CPNE6: variants seen among roughly 807,000 people sequenced by gnomAD.
The protein encoded by CPNE6 is copine 6.
In CPNE6, 33 loss-of-function variants were observed where a neutral mutation model predicts 71.5. The ratio of observed to expected loss-of-function variants is 0.46; its 90% CI spans 0.35 to 0.62. CPNE6 has a LOEUF of 0.62. Among genes scored for constraint, CPNE6 ranks in the 20% least tolerant of loss-of-function variants. The pLI, the probability that CPNE6 is intolerant of heterozygous loss-of-function variation, is 0.00. For missense variants in CPNE6, 576 were observed against 747.3 expected, an observed-to-expected ratio of 0.77 and a Z score of 2.67; for synonymous variants, 296 against 293.0, an observed-to-expected ratio of 1.01 and a Z score of -0.10.
chr14:24,071,831 C>T, intron 2 of CPNE6, 190 bp downstream of exon 1: 1 of 554,968 alleles, frequency 1.8e-6, no homozygotes, highest in East Asian at 3.0e-5. Flanking sequence ...AGACCCCCCT[C>T]CCCCAGCCCA....
rs1195146639 is a variant in CPNE6, at chr14:24,074,468, C to G, written c.499-63C>G. 6.3e-7 allele frequency: 1 copy of G among 1,574,912 alleles called. No individual in the cohort carries two copies. Among genetic ancestry groups the G allele is most frequent in the Admixed American group, 1.7e-5 (1 of 59,722 alleles). ...AGGCCTGCTCTCTTCCCAGTGGGAG[C>G]CCATCCCCCACCCTCCTTGCAGCTC... On this transcript the variant is annotated intron_variant, in intron 6 of 17. Coordinates refer to ENST00000397016, the Ensembl canonical transcript of CPNE6. This position sits in a 1 kb window ranked among gnomAD's most constrained non-coding sequence, Gnocchi z 4.5.
At position 24,075,906 on chromosome 14, in the gene CPNE6, G is replaced by A. The variant is rs201359329; in HGVS notation, c.924+20G>A. Reference sequence around the variant, plus strand: ...TTCACGGTAAAGACTCAGAGGGAGGGCACACAGGCAAGAGGGAGGGGCTGA... The same window carrying A: ...TTCACGGTAAAGACTCAGAGGGAGGACACACAGGCAAGAGGGAGGGGCTGA... On this transcript the variant is annotated intron_variant, in intron 11 of 17. Coordinates refer to ENST00000397016, the Ensembl canonical transcript of CPNE6. This position sits in a 1 kb window ranked among gnomAD's most constrained non-coding sequence, Gnocchi z 4.3. 3.1e-6 allele frequency: 5 copies of A among 1,613,576 alleles called. No individual in the cohort carries two copies. In the East Asian group the frequency reaches 8.9e-5, roughly 29 times the overall value.
At chr14:24,072,631 A>G in intron 2 of CPNE6, 2 of 269,372 alleles carry the variant, frequency 7.4e-6, no homozygotes, top group East Asian at 6.2e-5. Context: ...GTGTAGATCA[A>G]TCGATGGCCT....
Position 24,077,873 on chromosome 14 carries a change from C to A in CPNE6, c.*38-15C>A. On this transcript the variant is annotated splice_polypyrimidine_tract_variant and intron_variant, in intron 17 of 17. Transcript: ENST00000397016. This position sits in a 1 kb window ranked among gnomAD's most constrained non-coding sequence, Gnocchi z 6.1. The stretch of plus-strand genomic sequence containing the variant: ...TGTAGAAGAGAGTGCTTATGACTCT[C>A]CCACCCCCTCCCAGGTGCCTGTCCT... 1 of 867,648 alleles carries A rather than the reference C, an allele frequency of 1.2e-6. No individual in the cohort carries two copies. The highest frequency in any genetic ancestry group is 1.6e-6 in the Non-Finnish European group (1 of 618,126). The allele number at this position is 867,648 out of a possible 1,614,324, so 53.7% of individuals were successfully genotyped here.
Position 24,075,160 on chromosome 14 carries a change from CT to C in CPNE6, c.673-11del, listed in dbSNP as rs768324856. On this transcript the variant is annotated splice_polypyrimidine_tract_variant and intron_variant, in intron 8 of 17. Transcript: ENST00000397016. The surrounding 1 kb of genome is among the most constrained non-coding windows in gnomAD (Gnocchi z 4.3). ...CTCCAACCTGACCCCACCCCTCCCC[CT>C]GCCTTCTCAGTTCCTGGTGTATGAC... 3 of 1,608,186 alleles carry C rather than the reference CT, an allele frequency of 1.9e-6. No individual in the cohort carries two copies. Among genetic ancestry groups the C allele is most frequent in the East Asian group, 2.2e-5 (1 of 44,862 alleles).
intron 1 of CPNE6, chr14:24,071,061 C>T: frequency 6.5e-7 from 1 of 1,531,524 alleles, no homozygotes; most frequent in Non-Finnish European, 8.7e-7. Flanking sequence ...GTGACAAGGA[C>T]AGCCCAGTGT....
chr14:24,074,778 G>A lies in CPNE6; in HGVS notation c.655G>A (p.Val219Ile), dbSNP rs771295358. The A allele has an allele frequency of 6.2e-7, 1 of 1,613,202 alleles. No individual in the cohort carries two copies. Among genetic ancestry groups the A allele is most frequent in the South Asian group, 1.1e-5 (1 of 90,954 alleles). The change falls in exon 8 of 18, where the codon GTT becomes ATT. Residue 219 changes from valine (V) to isoleucine (I), a missense_variant. Physicochemically the swap from Val to Ile is conservative, Grantham distance 29. Coordinates refer to ENST00000397016, the Ensembl canonical transcript of CPNE6. This position sits in a 1 kb window ranked among gnomAD's most constrained non-coding sequence, Gnocchi z 4.5. ...CCTGCATTCCCTATGCAGCTGTGAT[G>A]TTCACCGACCTCTCAAGGTGAAGTC...
At chr14:24,072,020 C>A in intron 2 of CPNE6, 1 of 210,478 alleles carries the variant, frequency 4.8e-6, no homozygotes, top group Non-Finnish European at 9.6e-6. Flanking sequence ...CACACTCACT[C>A]GGGGAAGCAT....
At chr14:24,076,613 A>C in intron 14 of CPNE6, 56 bp downstream of exon 13, 1 of 1,605,640 alleles carries the variant, frequency 6.2e-7, no homozygotes, top group East Asian at 2.2e-5. Context: ...TCCACACAGG[A>C]GCACAGACTC....
intron 1 of CPNE6, 61 bp from the exon 1 acceptor site, chr14:24,071,501 G>GCCGCC: frequency 1.7e-5 from 24 of 1,416,674 alleles, no homozygotes; most frequent in Admixed American, 2.5e-5. Context: ...CTGGTGCTGC[G>GCCGCC]CCCCCCCCCA....
At position 24,074,420 on chromosome 14, in the gene CPNE6, C is replaced by T. The variant is rs1594229275; in HGVS notation, c.498+55C>T. The T allele has an allele frequency of 9.0e-6, 14 of 1,562,264 alleles. No individual in the cohort carries two copies. The highest frequency in any genetic ancestry group is 1.2e-5 in the Non-Finnish European group (14 of 1,149,080). On this transcript the variant is annotated intron_variant, in intron 6 of 17. Transcript: ENST00000397016. This position sits in a 1 kb window ranked among gnomAD's most constrained non-coding sequence, Gnocchi z 4.5. ...TCCCCTGTCACTCCTAGGCCTCCCA[C>T]TCAAGACAGATCCCAGGAGCCCAGG...
At position 24,072,959 on chromosome 14, in the gene CPNE6, G is replaced by A. The variant is rs1168580337; in HGVS notation, c.23G>A (p.Trp8Ter). 1 of 1,583,826 alleles carries A rather than the reference G, an allele frequency of 6.3e-7. No individual in the cohort carries two copies. The highest frequency in any genetic ancestry group is 8.6e-7 in the Non-Finnish European group (1 of 1,166,834). The change falls in exon 3 of 18, where the codon TGG (tryptophan) becomes TAG (stop). Residue 8 changes from tryptophan (W) to a stop codon, truncating the protein, a stop_gained. Coordinates refer to ENST00000397016, the Ensembl canonical transcript of CPNE6. LOFTEE classifies it high-confidence loss of function. ...GACATGTCGGACCCTGAGATGGGAT[G>A]GGTGCCTGAGCCCCCAACCATGACG...
Position 24,077,559 on chromosome 14 carries a change from C to T in CPNE6, c.1537-34C>T. On this transcript the variant is annotated intron_variant, in intron 16 of 17. Coordinates refer to ENST00000397016, the Ensembl canonical transcript of CPNE6. This position sits in a 1 kb window ranked among gnomAD's most constrained non-coding sequence, Gnocchi z 6.1. ...TGACCCTGCCTCCCCTACTCTTCCT[C>T]TCACCCCTAACCACATCACTGTCCC... 1.3e-6 allele frequency: 2 copies of T among 1,586,036 alleles called. No homozygotes were observed. The highest frequency in any genetic ancestry group is 1.7e-6 in the Non-Finnish European group (2 of 1,164,114).
In CPNE6 at chr14:24,074,045, C is replaced by A. The variant is rs1383264945; in HGVS notation, c.349-6C>A. 6.2e-7 allele frequency: 1 copy of A among 1,613,752 alleles called. No homozygotes were observed. Among genetic ancestry groups the A allele is most frequent in the East Asian group, 2.2e-5 (1 of 44,882 alleles). ...CAGCTGGGTCTCCCTCCACCTCCATCCCCAGATTGTGTCACAAACCAAGGT... is the reference window on the plus strand; with the variant it reads ...CAGCTGGGTCTCCCTCCACCTCCATACCCAGATTGTGTCACAAACCAAGGT... On this transcript the variant is annotated splice_region_variant and splice_polypyrimidine_tract_variant and intron_variant, in intron 4 of 17. Transcript: ENST00000397016. The surrounding 1 kb of genome is among the most constrained non-coding windows in gnomAD (Gnocchi z 4.5).
In CPNE6 at chr14:24,074,409, T is replaced by C. The variant is rs376246410; in HGVS notation, c.498+44T>C. 9 of 1,553,850 alleles carry C rather than the reference T, an allele frequency of 5.8e-6. No individual in the cohort carries two copies. The highest frequency in any genetic ancestry group is 7.0e-6 in the Non-Finnish European group (8 of 1,147,070). On this transcript the variant is annotated intron_variant, in intron 6 of 17. Transcript: ENST00000397016. The surrounding 1 kb of genome is among the most constrained non-coding windows in gnomAD (Gnocchi z 4.5). ...AGGCCCCCAACTCCCCTGTCACTCC[T>C]AGGCCTCCCACTCAAGACAGATCCC...
In CPNE6 at chr14:24,075,187, T is replaced by C. The variant is rs774037684; in HGVS notation, c.688T>C (p.Tyr230His). 2 of 1,613,632 alleles carry C rather than the reference T, an allele frequency of 1.2e-6. No homozygotes were observed. Among genetic ancestry groups the C allele is most frequent in the East Asian group, 4.5e-5 (2 of 44,886 alleles). Reference sequence around the variant, plus strand: ...GCCTTCTCAGTTCCTGGTGTATGACTATGACTCCAGTGGGAAGCATGACTT... The same window carrying C: ...GCCTTCTCAGTTCCTGGTGTATGACCATGACTCCAGTGGGAAGCATGACTT... The change falls in exon 9 of 18, where the codon TAT becomes CAT. Residue 230 changes from tyrosine to histidine, a missense_variant. Tyr to His is a moderately conservative substitution (Grantham distance 83). Coordinates refer to ENST00000397016, the Ensembl canonical transcript of CPNE6. This position sits in a 1 kb window ranked among gnomAD's most constrained non-coding sequence, Gnocchi z 4.3.
At chr14:24,071,530 C>T in exon 2 of CPNE6, 1 of 1,521,550 alleles carries the variant, frequency 6.6e-7, no homozygotes, top group East Asian at 2.5e-5. Flanking sequence ...CATCCAGGCC[C>T]CATAAATAGC....
exon 12 of CPNE6, chr14:24,076,160 C>T (rs1308561390): frequency 8.1e-6 from 13 of 1,613,570 alleles, no homozygotes; most frequent in Non-Finnish European, 1.1e-5. Flanking sequence ...TGGCCATTGA[C>T]TTCACCGCCT....
intron 13 of CPNE6, 25 bp downstream of exon 12, chr14:24,076,439 G>A (rs1409993633): frequency 1.2e-6 from 2 of 1,614,260 alleles, no homozygotes; most frequent in Admixed American, 3.3e-5. Flanking sequence ...AGGGAAAGAA[G>A]GAGATGGGGG....
Sources: gnomAD v4.1 joint callset for allele counts on GRCh38, gnomAD v4.1.1 for gene constraint, Gnocchi (gnomAD v3.1) non-coding constraint, MANE v1.5 for transcripts, NCBI Gene and HGNC (gene_info 2026-07-23, HGNC 2026-07-21) for gene names.